Variants in RPS6KC1 observed in about 807,000 individuals in gnomAD.
RPS6KC1 encodes the protein ribosomal protein S6 kinase C1, also known as inactive ribosomal protein S6 kinase delta-1.
A neutral mutation model predicts 103.8 loss-of-function variants in RPS6KC1; 54 were observed. The ratio of observed to expected loss-of-function variants is 0.52; its 90% CI spans 0.42 to 0.65. The LOEUF (loss-of-function observed/expected upper bound fraction) is 0.65. Among genes scored for constraint, RPS6KC1 ranks in the 30% least tolerant of loss-of-function variants. RPS6KC1 has a pLI of 0.00. For missense variants in RPS6KC1, 1,151 were observed against 1,253.8 expected (o/e 0.92, Z 1.24); for synonymous variants, 439 against 438.7 (o/e 1.00, Z -0.01).
Position 213,128,680 on chromosome 1 carries a change from A to T in RPS6KC1, c.473-847A>T, listed in dbSNP as rs1345112819. Among the ~76,000 whole-genome samples the T allele has an allele frequency of 4.6e-5, 7 of 152,316 alleles. No homozygotes were observed. In the East Asian group the frequency reaches 1.3e-3, roughly 29 times the overall value. ...GAAGAGGCTGAGATGAAAATGTCTA[A>T]AAATTCAGTTTTTAAAAAATGCTAA... On this transcript the variant is annotated intron_variant, in intron 5 of 14. Transcript: ENST00000366960.
chr1:213,318,277 T>G, the RPS6KC1 span, among the ~76,000 whole-genome samples: 6 of 152,264 alleles, frequency 3.9e-5, no homozygotes, highest in African/African-American at 1.4e-4. Flanking sequence ...TCCTATGGAC[T>G]GTTAGCTTAG....
chr1:213,816,589 A>G, the RPS6KC1 span, among the ~76,000 whole-genome samples: 1 of 152,138 alleles, frequency 6.6e-6, no homozygotes, highest in African/African-American at 2.4e-5. Flanking sequence ...GCTCGTGGGT[A>G]GATCTGTGAA....
At chr1:213,266,759 C>T (rs1270101905) in intron 14 of RPS6KC1, among the ~76,000 whole-genome samples, 7 of 151,080 alleles carry the variant, frequency 4.6e-5, no homozygotes, top group African/African-American at 1.2e-4. Context: ...AAAAATTAGT[C>T]GGTCGTGGTG....
chr1:213,530,424 T>A, the RPS6KC1 span, among the ~76,000 whole-genome samples: 67 of 152,348 alleles, frequency 4.4e-4, no homozygotes, highest in Non-Finnish European at 8.2e-4. Flanking sequence ...TTCCTATACA[T>A]GACATTCCAG....
the RPS6KC1 span, among the ~76,000 whole-genome samples, chr1:213,291,693 G>A: frequency 1.3e-5 from 2 of 152,220 alleles, no homozygotes; most frequent in Non-Finnish European, 2.9e-5. Context: ...GGGAGTCCGA[G>A]TGAGTTGCTA....
At chr1:213,616,797 G>A in the RPS6KC1 span, among the ~76,000 whole-genome samples, 1 of 152,182 alleles carries the variant, frequency 6.6e-6, no homozygotes, top group African/African-American at 2.4e-5. Flanking sequence ...AATCTCCTGG[G>A]ATTGGGATAA....
intron 3 of RPS6KC1, among the ~76,000 whole-genome samples, chr1:213,088,656 C>T (rs760611574): frequency 6.6e-6 from 1 of 152,164 alleles, no homozygotes. Context: ...AGCCACTGCG[C>T]CTGGCCTCAT....
chr1:213,762,472 G>C, the RPS6KC1 span, among the ~76,000 whole-genome samples: 4 of 152,272 alleles, frequency 2.6e-5, no homozygotes, highest in East Asian at 5.8e-4. Flanking sequence ...GATGACTAGA[G>C]ATGCATCAAA....
At chr1:213,165,982 T>C (rs970199037) in intron 6 of RPS6KC1, among the ~76,000 whole-genome samples, 10 of 152,246 alleles carry the variant, frequency 6.6e-5, no homozygotes, top group African/African-American at 2.4e-4. Flanking sequence ...TTCTTGTTTC[T>C]GTTACTATGG....
chr1:213,753,263 A>G, the RPS6KC1 span, among the ~76,000 whole-genome samples: 1 of 152,216 alleles, frequency 6.6e-6, no homozygotes, highest in Non-Finnish European at 1.5e-5. Flanking sequence ...GGGGTAAAAT[A>G]GGAATTTCAC....
intron 8 of RPS6KC1, among the ~76,000 whole-genome samples, chr1:213,214,046 G>A (rs2148695289): frequency 6.6e-6 from 1 of 152,362 alleles, no homozygotes; most frequent in African/African-American, 2.4e-5. Flanking sequence ...AGTGGGTGCA[G>A]CGCACCGAGC....
chr1:213,761,709 G>A, the RPS6KC1 span, among the ~76,000 whole-genome samples: 27 of 152,234 alleles, frequency 1.8e-4, no homozygotes, highest in African/African-American at 6.5e-4. Context: ...CCAGGTTCCT[G>A]GGTTCTTCAA....
the RPS6KC1 span, among the ~76,000 whole-genome samples, chr1:213,374,001 G>A: frequency 1.3e-5 from 2 of 152,136 alleles, no homozygotes; most frequent in Non-Finnish European, 2.9e-5. Context: ...TTCCTGACTG[G>A]TAATATAGGG....
chr1:213,666,227 A>G, the RPS6KC1 span, among the ~76,000 whole-genome samples: 2 of 152,066 alleles, frequency 1.3e-5, no homozygotes, highest in Non-Finnish European at 2.9e-5. Context: ...GCTCACAAAA[A>G]CCCTCAGAAG....
chr1:213,773,410 A>C, the RPS6KC1 span, among the ~76,000 whole-genome samples: 1 of 149,048 alleles, frequency 6.7e-6, no homozygotes, highest in African/African-American at 2.4e-5. Context: ...ATATCTATAG[A>C]TATATCTATA....
At chr1:213,433,022 T>G in the RPS6KC1 span, among the ~76,000 whole-genome samples, 1 of 152,196 alleles carries the variant, frequency 6.6e-6, no homozygotes, top group Non-Finnish European at 1.5e-5. Context: ...TTTATTATCT[T>G]AAAGTTCTGT....
the RPS6KC1 span, among the ~76,000 whole-genome samples, chr1:213,762,646 A>G: frequency 6.6e-6 from 1 of 152,208 alleles, no homozygotes; most frequent in East Asian, 1.9e-4. Context: ...CATGCTAATA[A>G]TAGATGTTTA....
the RPS6KC1 span, among the ~76,000 whole-genome samples, chr1:213,758,368 A>G: frequency 6.6e-6 from 1 of 152,166 alleles, no homozygotes; most frequent in African/African-American, 2.4e-5. Context: ...ACCTGAGGTC[A>G]GGAGTTCGAG....
At chr1:213,739,352 T>G in the RPS6KC1 span, among the ~76,000 whole-genome samples, 1 of 152,232 alleles carries the variant, frequency 6.6e-6, no homozygotes, top group East Asian at 1.9e-4. Flanking sequence ...TTGGTAAGGC[T>G]TCTGGTCAAC....
Sources: allele counts gnomAD v4.1 joint callset (sites outside exome capture counted in the v4.1 genomes callset), GRCh38; gene constraint gnomAD v4.1.1; transcripts MANE v1.5; gene names NCBI Gene and HGNC (gene_info 2026-07-23, HGNC 2026-07-21).